The following DYRK4 variants were observed in gnomAD, a reference collection of about 807,000 sequenced individuals.
DYRK4 encodes the protein dual specificity tyrosine phosphorylation regulated kinase 4.
Under a neutral mutation model 68.3 loss-of-function variants are expected in DYRK4, and 64 were observed. The observed-to-expected ratio is 0.94, with a 90% confidence interval of 0.77 to 1.15. The LOEUF is 1.15. DYRK4 is among the 50% of genes most tolerant of loss of function. DYRK4 has a pLI of 0.00. For missense variants in DYRK4, 740 were observed against 764.7 expected (o/e 0.97, Z 0.38); for synonymous variants, 274 against 289.9 (o/e 0.95, Z 0.56).
At chr12:4,589,689 A>G (rs972813542) in intron 3 of DYRK4, among the ~76,000 whole-genome samples, 6 of 152,192 alleles carry the variant, frequency 3.9e-5, no homozygotes, top group African/African-American at 1.4e-4. Context: ...ATAGTATTCC[A>G]TTGTGTTTAA....
intron 1 of DYRK4, chr12:4,563,219 A>G (rs563374644): frequency 8.7e-5 from 39 of 447,646 alleles, no homozygotes; most frequent in Non-Finnish European, 1.7e-4. Context: ...TCAAACATGC[A>G]CTCTACCTTA....
intron 4 of DYRK4, chr12:4,590,958 C>G: frequency 1.6e-6 from 1 of 630,672 alleles, no homozygotes; most frequent in Non-Finnish European, 2.7e-6. Context: ...ACAGGGGTCT[C>G]CCCAGGAATA....
intron 5 of DYRK4, among the ~76,000 whole-genome samples, chr12:4,592,125 CG>C (rs1337977489): frequency 6.6e-6 from 1 of 152,098 alleles, no homozygotes; most frequent in Non-Finnish European, 1.5e-5. Flanking sequence ...TAAACAACTC[CG>C]GGAACTATGC....
Position 4,596,629 on chromosome 12 carries a change from G to T in DYRK4, c.805G>T (p.Ala269Ser). ...QALMELKILE[A>S]LRKKDKDNTY... is the part of the protein sequence containing the mutation. The stretch of plus-strand genomic sequence containing the variant: ...CCTGATGGAGCTGAAGATCCTGGAA[G>T]CTCTCAGAAAGAAGGACAAAGACAA... The change falls in exon 8 of 15, where the codon GCT becomes TCT. Residue 269 changes from alanine (A) to serine (S), a missense_variant. By Grantham distance (99) the Ala-to-Ser change is moderately conservative. Around this residue, in one of 3 missense-constraint regions of DYRK4, gnomAD observed 614 missense variants for 603.7 expected, o/e 1.02. Coordinates refer to ENST00000543431, the MANE Select transcript of DYRK4 (RefSeq NM_001394779.1). The T allele has an allele frequency of 6.2e-7, 1 of 1,614,134 alleles. No homozygotes were observed. The highest frequency in any genetic ancestry group is 8.5e-7 in the Non-Finnish European group (1 of 1,180,014).
intron 2 of DYRK4, among the ~76,000 whole-genome samples, chr12:4,580,330 A>G (rs558310949): frequency 6.6e-6 from 1 of 152,266 alleles, no homozygotes; most frequent in South Asian, 2.1e-4. Context: ...CGTCCCACTA[A>G]TGGGTCTCAG....
In DYRK4 at chr12:4,590,318, C is replaced by G. The variant is rs1307082372; in HGVS notation, c.214-12C>G. 3.3e-6 allele frequency: 5 copies of G among 1,529,290 alleles called. No homozygotes were observed. Among genetic ancestry groups the G allele is most frequent in the Non-Finnish European group, 4.4e-6 (5 of 1,144,460 alleles). The allele number at this position is 1,529,290 out of a possible 1,614,324, so 94.7% of individuals were successfully genotyped here. Reference sequence around the variant, plus strand: ...AAGGCTTTTGTAACACATGCAATTTCTCCTTCTACAGAACACCAGTGTTAC... The same window carrying G: ...AAGGCTTTTGTAACACATGCAATTTGTCCTTCTACAGAACACCAGTGTTAC... On this transcript the variant is annotated splice_polypyrimidine_tract_variant and intron_variant, in intron 3 of 14. Coordinates refer to ENST00000543431, the MANE Select transcript of DYRK4 (RefSeq NM_001394779.1).
chr12:4,582,542 T>C (rs910512428), intron 2 of DYRK4, among the ~76,000 whole-genome samples: 2 of 152,020 alleles, frequency 1.3e-5, no homozygotes, highest in Non-Finnish European at 2.9e-5. Flanking sequence ...CTAACAAGCC[T>C]TTGCAGGTGC....
intron 9 of DYRK4, 103 bp downstream of exon 9, chr12:4,599,269 A>AATTTTT: frequency 1.5e-6 from 1 of 647,128 alleles, no homozygotes; most frequent in Non-Finnish European, 2.2e-6. Flanking sequence ...ATTGCCTTTG[A>AATTTTT]CTTTTTTTTT....
chr12:4,612,049 G>T (rs1334699537), intron 13 of DYRK4, among the ~76,000 whole-genome samples: 5 of 152,180 alleles, frequency 3.3e-5, no homozygotes, highest in Non-Finnish European at 7.3e-5. Flanking sequence ...GAATTGCAGG[G>T]TGATTCCATG....
chr12:4,608,592 G>A (rs1945181089), intron 12 of DYRK4, among the ~76,000 whole-genome samples: 1 of 152,054 alleles, frequency 6.6e-6, no homozygotes, highest in South Asian at 2.1e-4. Context: ...TGCTACAACT[G>A]CAGGCTCCCT....
chr12:4,609,031 C>G (rs1945187418), intron 12 of DYRK4, among the ~76,000 whole-genome samples: 1 of 152,210 alleles, frequency 6.6e-6, no homozygotes, highest in Non-Finnish European at 1.5e-5. Flanking sequence ...GCCTGTAACT[C>G]TGAACTCATG....
intron 2 of DYRK4, among the ~76,000 whole-genome samples, chr12:4,569,134 T>A (rs1043819436): frequency 6.6e-6 from 1 of 152,228 alleles, no homozygotes; most frequent in East Asian, 1.9e-4. Flanking sequence ...GGATTATAAC[T>A]CATACAAATG....
intron 1 of DYRK4, among the ~76,000 whole-genome samples, chr12:4,565,535 G>A (rs758872461): frequency 6.6e-6 from 1 of 152,108 alleles, no homozygotes; most frequent in African/African-American, 2.4e-5. Flanking sequence ...ATTCCTCAGC[G>A]TTTCCTTCAG....
Position 4,568,033 on chromosome 12 carries a change from G to A in DYRK4, c.117G>A (p.Lys39=), listed in dbSNP as rs1369882054. ...FLVLKARKKQ[K]FTSAKVGSKL... ...TTTTGAAAGCAAGAAAGAAACAAAA[G>A]TTCACCTCTGCGAAGGTAAAGATCC... The change falls in exon 2 of 15, where the codon AAG becomes AAA. Residue 39 remains lysine (K), a synonymous_variant. Coordinates refer to ENST00000543431, the MANE Select transcript of DYRK4 (RefSeq NM_001394779.1). 2 of 1,535,984 alleles carry A rather than the reference G, an allele frequency of 1.3e-6. No individual in the cohort carries two copies. Among genetic ancestry groups the A allele is most frequent in the African/African-American group, 2.7e-5 (2 of 73,048 alleles).
At chr12:4,606,172 T>C (rs139790768) in intron 11 of DYRK4, among the ~76,000 whole-genome samples, 176 of 152,336 alleles carry the variant, frequency 1.2e-3, no homozygotes, top group African/African-American at 4.1e-3. Context: ...AGCCATCTTG[T>C]TTTGGAAATA....
intron 2 of DYRK4, among the ~76,000 whole-genome samples, chr12:4,579,965 C>A (rs1944825310): frequency 6.6e-6 from 1 of 152,150 alleles, no homozygotes; most frequent in Admixed American, 6.5e-5. Flanking sequence ...GACGGGCTTG[C>A]TGCTGTTAAT....
chr12:4,582,644 C>A (rs550130697), intron 2 of DYRK4, among the ~76,000 whole-genome samples: 111 of 152,278 alleles, frequency 7.3e-4, no homozygotes, highest in Non-Finnish European at 1.4e-3. Flanking sequence ...GAAAGTGCTG[C>A]TATGGCTGGG....
rs1390508161 is a variant in DYRK4, at chr12:4,596,055, A to T, written c.628-94A>T. The stretch of plus-strand genomic sequence containing the variant: ...TAGTTAGAAAATTCCTCCAGGAGTG[A>T]GCCATAATCTGGGGATGGGAATGCC... On this transcript the variant is annotated intron_variant, in intron 6 of 14. Transcript: ENST00000543431. The T allele has an allele frequency of 2.2e-6, 3 of 1,370,124 alleles. No homozygotes were observed. In the Admixed American group the frequency reaches 5.8e-5, roughly 27 times the overall value. The allele number at this position is 1,370,124 out of a possible 1,614,324, so 84.9% of individuals were successfully genotyped here.
chr12:4,568,133 C>A, intron 2 of DYRK4, 85 bp downstream of exon 2: 2 of 1,268,284 alleles, frequency 1.6e-6, no homozygotes, highest in Non-Finnish European at 2.2e-6. Context: ...ATGGTTGTGC[C>A]CCAAGCACCT....
Sources: gnomAD v4.1 joint callset for allele counts (sites outside exome capture counted in the v4.1 genomes callset) on GRCh38, gnomAD v4.1.1 for gene constraint, gnomAD v4.1.1 regional missense constraint, MANE v1.5 for transcripts, NCBI Gene and HGNC (gene_info 2026-07-23, HGNC 2026-07-21) for gene names.